Variants in CADPS2 observed in about 807,000 individuals in gnomAD.
The protein encoded by CADPS2 is calcium dependent secretion activator 2.
A neutral mutation model predicts 172.5 loss-of-function variants in CADPS2; 93 were observed. The ratio of observed to expected loss-of-function variants is 0.54; its 90% CI spans 0.46 to 0.64. The LOEUF is 0.64. Ranked by LOEUF, CADPS2 falls within the 30% of genes least tolerant of loss-of-function variation. The pLI, the probability that CADPS2 is intolerant of heterozygous loss-of-function variation, is 0.00. For missense variants in CADPS2, 1,420 were observed against 1,565.9 expected, an observed-to-expected ratio of 0.91 and a Z score of 1.57; for synonymous variants, 546 against 555.2, an observed-to-expected ratio of 0.98 and a Z score of 0.23.
At chr7:122,547,509 A>T (rs977004270) in intron 8 of CADPS2, among the ~76,000 whole-genome samples, 2 of 152,006 alleles carry the variant, frequency 1.3e-5, no homozygotes, top group Non-Finnish European at 2.9e-5. Context: ...ATTCTTTTCT[A>T]AAAAAAATTC....
chr7:122,749,776 A>G (rs970000819), intron 1 of CADPS2, among the ~76,000 whole-genome samples: 2 of 152,102 alleles, frequency 1.3e-5, no homozygotes, highest in Admixed American at 1.3e-4. Flanking sequence ...AAATTCAAGG[A>G]TTTGTGAGGA....
chr7:122,403,824 T>TGGAA (rs1473350323), intron 20 of CADPS2, among the ~76,000 whole-genome samples: 3 of 152,136 alleles, frequency 2.0e-5, no homozygotes, highest in Admixed American at 6.5e-5. Context: ...TGTAGATGAA[T>TGGAA]GGAATATCAT....
At chr7:122,854,744 G>T (rs966722920) in intron 1 of CADPS2, among the ~76,000 whole-genome samples, 2 of 152,126 alleles carry the variant, frequency 1.3e-5, no homozygotes, top group Non-Finnish European at 2.9e-5. Context: ...AACACAAAAG[G>T]TGATAGTCTT....
At chr7:122,691,782 C>T (rs1235159614) in intron 2 of CADPS2, among the ~76,000 whole-genome samples, 1 of 152,166 alleles carries the variant, frequency 6.6e-6, no homozygotes, top group Non-Finnish European at 1.5e-5. Context: ...AGCAGTCCAG[C>T]AAGTCCGTGA....
At chr7:122,470,132 T>C (rs977740950) in intron 14 of CADPS2, among the ~76,000 whole-genome samples, 4 of 152,154 alleles carry the variant, frequency 2.6e-5, no homozygotes, top group African/African-American at 7.2e-5. Flanking sequence ...CTTAAGCTTT[T>C]TGAAGAAGAG....
intron 11 of CADPS2, among the ~76,000 whole-genome samples, chr7:122,483,804 A>C (rs1308143147): frequency 6.6e-6 from 1 of 152,144 alleles, no homozygotes; most frequent in Non-Finnish European, 1.5e-5. Context: ...TTTAAATTCT[A>C]AAGCAATCAC....
chr7:122,445,154 G>A (rs556512918), intron 15 of CADPS2, among the ~76,000 whole-genome samples: 108 of 152,142 alleles, frequency 7.1e-4, no homozygotes, highest in African/African-American at 2.3e-3. Context: ...ATGTTCCCAC[G>A]TTGTCCTTTT....
chr7:122,655,261 T>C (rs1043191780), intron 3 of CADPS2, among the ~76,000 whole-genome samples: 1 of 152,218 alleles, frequency 6.6e-6, no homozygotes, highest in Non-Finnish European at 1.5e-5. Context: ...ATTCCAATTT[T>C]GAAAAATGTT....
rs538599323 is a variant in CADPS2 at position 122,722,113 on chromosome 7, T to G, written c.453+14842A>C. 8.8e-4 allele frequency among the ~76,000 whole-genome samples: 134 copies of G among 152,148 alleles called. 1 individual carries two copies. Among genetic ancestry groups the G allele is most frequent in the African/African-American group, 2.9e-3 (122 of 41,514 alleles). On this transcript the variant is annotated intron_variant, in intron 2 of 29. Transcript: ENST00000449022. ...CTGAATGGGCAAAAACTGGAAGCAT[T>G]CCCTTTGAAAACTGGCACAACACAG...
At chr7:122,545,350 G>A (rs966635427) in intron 8 of CADPS2, among the ~76,000 whole-genome samples, 1 of 152,082 alleles carries the variant, frequency 6.6e-6, no homozygotes, top group Non-Finnish European at 1.5e-5. Context: ...GTACTAGAGT[G>A]GCAGGATTTG....
At chr7:122,783,509 A>C (rs2139458216) in intron 1 of CADPS2, among the ~76,000 whole-genome samples, 1 of 152,278 alleles carries the variant, frequency 6.6e-6, no homozygotes, top group South Asian at 2.1e-4. Context: ...TGTCCCTTGC[A>C]GACCCTTGAC....
At chr7:122,337,506 G>C (rs375016709) in intron 28 of CADPS2, among the ~76,000 whole-genome samples, 2 of 152,124 alleles carry the variant, frequency 1.3e-5, no homozygotes, top group African/African-American at 4.8e-5. Flanking sequence ...AGGCAATTGG[G>C]CATGCTTATC....
At chr7:122,883,983 T>C (rs905573420) in intron 1 of CADPS2, among the ~76,000 whole-genome samples, 6 of 152,184 alleles carry the variant, frequency 3.9e-5, no homozygotes, top group Admixed American at 3.3e-4. Flanking sequence ...GAACAAATAT[T>C]TAAACAGAAG....
intron 1 of CADPS2, among the ~76,000 whole-genome samples, chr7:122,780,236 T>C (rs1271414374): frequency 6.6e-6 from 1 of 152,052 alleles, no homozygotes; most frequent in African/African-American, 2.4e-5. Context: ...TCTGCTTGAT[T>C]CCATTGAAGG....
chr7:122,682,524 T>C (rs1293513823), intron 2 of CADPS2, among the ~76,000 whole-genome samples: 20 of 152,206 alleles, frequency 1.3e-4, no homozygotes, highest in Admixed American at 1.3e-3. Flanking sequence ...AAAAATTTAG[T>C]GTATTACTTT....
intron 1 of CADPS2, among the ~76,000 whole-genome samples, chr7:122,765,504 G>T (rs2093520017): frequency 6.6e-6 from 1 of 152,034 alleles, no homozygotes; most frequent in Admixed American, 6.6e-5. Flanking sequence ...AAGGACTATG[G>T]TATCAACTTT....
intron 7 of CADPS2, among the ~76,000 whole-genome samples, chr7:122,576,327 T>C (rs2068031179): frequency 6.6e-6 from 1 of 152,288 alleles, no homozygotes; most frequent in Non-Finnish European, 1.5e-5. Flanking sequence ...CATCACTTGG[T>C]TATCAAGAGA....
At chr7:122,818,156 C>A (rs1260472198) in intron 1 of CADPS2, among the ~76,000 whole-genome samples, 3 of 151,680 alleles carry the variant, frequency 2.0e-5, no homozygotes, top group Non-Finnish European at 2.9e-5. Context: ...TTTCTCTAGG[C>A]TTGCTTCCTT....
At position 122,585,030 on chromosome 7, in the gene CADPS2, G is replaced by A. The variant is rs568140235; in HGVS notation, c.1224-3740C>T. Among the ~76,000 whole-genome samples the A allele has an allele frequency of 2.0e-5, 3 of 151,998 alleles. No homozygotes were observed. The South Asian group carries it at 6.2e-4, about 32-fold the overall frequency. ...CAAGGTTTAGGACTTCTGAGTCAAG[G>A]GGAGGAAATGCTAACGAACACCTCC... is the stretch of plus-strand genomic sequence containing the variant. On this transcript the variant is annotated intron_variant, in intron 6 of 29. Transcript: ENST00000449022.
Sources: gnomAD v4.1 joint callset for allele counts (sites outside exome capture counted in the v4.1 genomes callset) on GRCh38, gnomAD v4.1.1 for gene constraint, MANE v1.5 for transcripts, NCBI Gene and HGNC (gene_info 2026-07-23, HGNC 2026-07-21) for gene names.